Variants in KHDRBS2 observed in about 807,000 individuals in gnomAD.
The protein encoded by KHDRBS2 is KH domain-containing, RNA-binding, signal transduction-associated protein 2.
In KHDRBS2, 26 loss-of-function variants were observed where a neutral mutation model predicts 44.3. The ratio of observed to expected loss-of-function variants is 0.59; its 90% CI spans 0.43 to 0.81. The LOEUF is 0.81. KHDRBS2 is among the 40% of genes least tolerant of loss of function. The pLI is 0.00. For missense variants in KHDRBS2, 476 were observed against 433.1 expected (o/e 1.10, Z -0.88); for synonymous variants, 194 against 151.1 (o/e 1.28, Z -2.08).
At chr6:61,690,735 TAA>T (rs1228316989) in intron 8 of KHDRBS2, among the ~76,000 whole-genome samples, 1 of 152,054 alleles carries the variant, frequency 6.6e-6, no homozygotes, top group Non-Finnish European at 1.5e-5. Context: ...AGCCTGCATA[TAA>T]GTTATGTATC....
intron 4 of KHDRBS2, among the ~76,000 whole-genome samples, chr6:61,923,724 G>T (rs557148662): frequency 9.9e-5 from 15 of 152,216 alleles, no homozygotes; most frequent in Non-Finnish European, 2.1e-4. Context: ...TCATAGCAGT[G>T]TGAAAGACTG....
chr6:62,031,339 C>T (rs191614386), intron 3 of KHDRBS2, among the ~76,000 whole-genome samples: 1 of 152,030 alleles, frequency 6.6e-6, no homozygotes. Flanking sequence ...GTTGTGGCAG[C>T]TATGGGGCAA....
chr6:61,676,397 T>G (rs1765943048), downstream of KHDRBS2, among the ~76,000 whole-genome samples: 1 of 151,878 alleles, frequency 6.6e-6, no homozygotes, highest in South Asian at 2.1e-4. Flanking sequence ...AGATTAATTT[T>G]GATCAGAAGT....
intron 7 of KHDRBS2, among the ~76,000 whole-genome samples, chr6:61,725,154 C>T (rs556789561): frequency 3.5e-4 from 54 of 152,130 alleles, no homozygotes; most frequent in Non-Finnish European, 5.7e-4. Context: ...AAGAAATTCA[C>T]GAAAAATCAC....
chr6:62,278,039 A>G (rs942583699), intron 1 of KHDRBS2, among the ~76,000 whole-genome samples: 3 of 152,180 alleles, frequency 2.0e-5, no homozygotes, highest in African/African-American at 7.2e-5. Flanking sequence ...TGGTTATTCC[A>G]CCTCTAAAAA....
chr6:62,234,618 T>C (rs1833414564), intron 1 of KHDRBS2, among the ~76,000 whole-genome samples: 2 of 152,072 alleles, frequency 1.3e-5, no homozygotes, highest in South Asian at 4.1e-4. Context: ...TCTAACTCAA[T>C]AGCCTAAGAG....
At chr6:61,580,302 C>A in the KHDRBS2 span, among the ~76,000 whole-genome samples, 1 of 152,102 alleles carries the variant, frequency 6.6e-6, no homozygotes, top group African/African-American at 2.4e-5. Context: ...ATAAATGCAC[C>A]AATCATTACT....
intron 1 of KHDRBS2, among the ~76,000 whole-genome samples, chr6:62,281,976 T>C (rs561449727): frequency 6.6e-6 from 1 of 152,266 alleles, no homozygotes; most frequent in African/African-American, 2.4e-5. Context: ...AAACATAAGA[T>C]TATCCCAAGT....
At chr6:61,639,879 G>C in the KHDRBS2 span, among the ~76,000 whole-genome samples, 1 of 151,976 alleles carries the variant, frequency 6.6e-6, no homozygotes, top group Non-Finnish European at 1.5e-5. Context: ...ATAAATAAAT[G>C]TCCAGAAAAA....
intron 1 of KHDRBS2, among the ~76,000 whole-genome samples, chr6:62,262,224 A>T (rs1330344926): frequency 6.6e-6 from 1 of 151,690 alleles, no homozygotes; most frequent in Non-Finnish European, 1.5e-5. Context: ...ATGTGGCAGG[A>T]CACATACCAC....
intron 2 of KHDRBS2, among the ~76,000 whole-genome samples, chr6:62,087,856 C>T (rs534354556): frequency 8.5e-4 from 129 of 152,292 alleles, no homozygotes; most frequent in African/African-American, 2.9e-3. Context: ...AGTTTTTTCA[C>T]GTAGTCCCAT....
chr6:62,247,630 TTA>T (rs1835817404), intron 1 of KHDRBS2, among the ~76,000 whole-genome samples: 1 of 152,034 alleles, frequency 6.6e-6, no homozygotes, highest in South Asian at 2.1e-4. Flanking sequence ...CTGTGTTGTC[TTA>T]GGTTCTCTAA....
the KHDRBS2 span, among the ~76,000 whole-genome samples, chr6:61,578,956 G>A: frequency 6.6e-6 from 1 of 152,024 alleles, no homozygotes; most frequent in Non-Finnish European, 1.5e-5. Context: ...GAGGAAGTTT[G>A]GTAATAGTTT....
At chr6:61,703,069 T>G (rs2127546744) in intron 7 of KHDRBS2, among the ~76,000 whole-genome samples, 1 of 151,940 alleles carries the variant, frequency 6.6e-6, no homozygotes, top group Non-Finnish European at 1.5e-5. Context: ...TTTAGAAACC[T>G]TAATCACTAT....
intron 8 of KHDRBS2, among the ~76,000 whole-genome samples, chr6:61,682,814 G>A (rs1407270113): frequency 6.6e-6 from 1 of 151,810 alleles, no homozygotes; most frequent in Non-Finnish European, 1.5e-5. Context: ...AGAATTCCAT[G>A]TATTTGCTTG....
At chr6:62,058,387 G>A (rs1334755181) in intron 2 of KHDRBS2, among the ~76,000 whole-genome samples, 5 of 151,780 alleles carry the variant, frequency 3.3e-5, no homozygotes, top group African/African-American at 9.7e-5. Flanking sequence ...TTACTTTCAC[G>A]TCCATCATAT....
chr6:61,860,392 C>A (rs1397214780), intron 6 of KHDRBS2, among the ~76,000 whole-genome samples: 1 of 151,952 alleles, frequency 6.6e-6, no homozygotes, highest in Non-Finnish European at 1.5e-5. Flanking sequence ...CCCCGATAGC[C>A]TCCAGTGTGT....
chr6:62,194,324 A>AT (rs1368908718), intron 1 of KHDRBS2, among the ~76,000 whole-genome samples: 1 of 151,528 alleles, frequency 6.6e-6, no homozygotes, highest in Non-Finnish European at 1.5e-5. Context: ...TGAAATGACT[A>AT]TTTTTTTCCA....
At chr6:61,861,249 T>G (rs1796919210) in intron 6 of KHDRBS2, among the ~76,000 whole-genome samples, 1 of 152,204 alleles carries the variant, frequency 6.6e-6, no homozygotes, top group African/African-American at 2.4e-5. Context: ...TTTGCTTTTG[T>G]TGCAGTTGCT....
Sources: gnomAD v4.1 joint callset for allele counts (sites outside exome capture counted in the v4.1 genomes callset) on GRCh38, gnomAD v4.1.1 for gene constraint, MANE v1.5 for transcripts, NCBI Gene and HGNC (gene_info 2026-07-23, HGNC 2026-07-21) for gene names.